BANK1: variants seen among roughly 807,000 people sequenced by gnomAD.
The protein encoded by BANK1 is B-cell scaffold protein with ankyrin repeats.
BANK1 carries 95 observed loss-of-function variants against 94.5 expected under a neutral mutation model. The ratio of observed to expected loss-of-function variants is 1.00; its 90% confidence interval spans 0.85 to 1.19. The LOEUF (loss-of-function observed/expected upper bound fraction) is 1.19. BANK1 is among the 50% of genes most tolerant of loss of function. The pLI is 0.00. For missense variants in BANK1, 987 were observed against 932.2 expected, an observed-to-expected ratio of 1.06 and a Z score of -0.77; for synonymous variants, 334 against 308.4, an observed-to-expected ratio of 1.08 and a Z score of -0.87.
intron 6 of BANK1, among the ~76,000 whole-genome samples, chr4:101,909,220 G>T (rs1283413374): frequency 1.3e-5 from 2 of 152,208 alleles, no homozygotes; most frequent in South Asian, 2.1e-4. Flanking sequence ...CCATAAAAAA[G>T]GATGAGTTCA....
At chr4:101,969,492 A>C (rs1724882316) in intron 7 of BANK1, among the ~76,000 whole-genome samples, 1 of 152,132 alleles carries the variant, frequency 6.6e-6, no homozygotes, top group Non-Finnish European at 1.5e-5. Context: ...AAACTAAGAA[A>C]AATTTTGGTT....
chr4:101,830,691 C>T (rs1208399564), intron 2 of BANK1, among the ~76,000 whole-genome samples: 1 of 152,130 alleles, frequency 6.6e-6, no homozygotes, highest in Admixed American at 6.5e-5. Flanking sequence ...TAATTAATTA[C>T]ATTTCCATGT....
rs1250259483 is a variant in BANK1, at chr4:102,063,091, T to C, written c.2165T>C (p.Leu722Pro). 6.2e-7 allele frequency: 1 copy of C among 1,613,650 alleles called. No homozygotes were observed. The highest frequency in any genetic ancestry group is 8.5e-7 in the Non-Finnish European group (1 of 1,179,744). ...CACATTAAGGAGAAATTACGACAACTACGAGACTGCATTATTGGGAAAAGG... is the reference window on the plus strand; with the variant it reads ...CACATTAAGGAGAAATTACGACAACCACGAGACTGCATTATTGGGAAAAGG... ...EMIQQEKLRQ[L>P]RDCIIGKRPE... The change falls in exon 13 of 17, where the codon CTA becomes CCA. Residue 722 changes from leucine (L) to proline (P), a missense_variant. By Grantham distance (98) the Leu-to-Pro change is moderately conservative. Coordinates refer to ENST00000322953, the MANE Select transcript of BANK1 (RefSeq NM_017935.5).
intron 1 of BANK1, among the ~76,000 whole-genome samples, chr4:101,828,873 T>C (rs1340381810): frequency 6.6e-6 from 1 of 152,056 alleles, no homozygotes. Flanking sequence ...TTCTCTTCTT[T>C]TTTTTTTGAG....
At chr4:101,934,919 C>T (rs1336954833) in intron 7 of BANK1, among the ~76,000 whole-genome samples, 2 of 151,508 alleles carry the variant, frequency 1.3e-5, no homozygotes, top group South Asian at 2.1e-4. Flanking sequence ...ATGGCTAACT[C>T]TCTTGCTGAA....
intron 1 of BANK1, among the ~76,000 whole-genome samples, chr4:101,827,290 GTTAAT>G (rs1726402878): frequency 6.6e-6 from 1 of 151,702 alleles, no homozygotes; most frequent in Non-Finnish European, 1.5e-5. Context: ...TAAATATAAA[GTTAAT>G]TTAAAGTAAA....
chr4:101,941,067 A>T (rs1304978112), intron 7 of BANK1, among the ~76,000 whole-genome samples: 2 of 151,856 alleles, frequency 1.3e-5, no homozygotes, highest in South Asian at 4.1e-4. Flanking sequence ...TATCTGTATG[A>T]ACTCATGGAC....
intron 8 of BANK1, among the ~76,000 whole-genome samples, chr4:102,024,937 A>T (rs1366144660): frequency 6.6e-6 from 1 of 152,206 alleles, no homozygotes; most frequent in Non-Finnish European, 1.5e-5. Context: ...AACTCTAAAG[A>T]ATCAGAATAT....
At chr4:101,993,004 C>T (rs1435669528) in intron 7 of BANK1, among the ~76,000 whole-genome samples, 1 of 152,180 alleles carries the variant, frequency 6.6e-6, no homozygotes, top group Non-Finnish European at 1.5e-5. Flanking sequence ...TGTAGGTTCA[C>T]AAGCCCTTTA....
chr4:102,071,134 TTGA>T, intron 13 of BANK1, 138 bp from the exon 14 acceptor site: 1 of 924,332 alleles, frequency 1.1e-6, no homozygotes, highest in Non-Finnish European at 1.7e-6. Flanking sequence ...AAATTTGGGG[TTGA>T]TATTTTTAGA....
Position 101,954,502 on chromosome 4 carries a change from C to T in BANK1, c.1206+36313C>T, listed in dbSNP as rs570643680. ...TAGGCCTAGAAAAGGTGGTAGTAAA[C>T]CCCATGGTACCAGAACTCTCTTTTG... is the stretch of plus-strand genomic sequence containing the variant. On this transcript the variant is annotated intron_variant, in intron 7 of 16. Coordinates refer to ENST00000322953, the MANE Select transcript of BANK1 (RefSeq NM_017935.5). Among the ~76,000 whole-genome samples, 137 of 152,110 alleles carry T rather than the reference C, an allele frequency of 9.0e-4. 1 individual carries two copies. Among genetic ancestry groups the T allele is most frequent in the African/African-American group, 3.1e-3 (130 of 41,504 alleles).
intron 7 of BANK1, among the ~76,000 whole-genome samples, chr4:101,993,778 C>G (rs936555716): frequency 6.6e-6 from 1 of 152,178 alleles, no homozygotes; most frequent in Non-Finnish European, 1.5e-5. Flanking sequence ...TGGCACAACA[C>G]AGTAGATGAT....
intron 4 of BANK1, among the ~76,000 whole-genome samples, chr4:101,870,252 T>G (rs759692235): frequency 2.0e-5 from 3 of 152,012 alleles, no homozygotes; most frequent in Non-Finnish European, 4.4e-5. Flanking sequence ...GGACAAATAA[T>G]TTAGTGCTTT....
intron 11 of BANK1, among the ~76,000 whole-genome samples, chr4:102,051,431 C>T (rs1002003510): frequency 6.6e-6 from 1 of 152,102 alleles, no homozygotes; most frequent in African/African-American, 2.4e-5. Flanking sequence ...GTTCGCAACC[C>T]ACAGTGTTGT....
At chr4:101,992,809 G>A (rs559044870) in intron 7 of BANK1, among the ~76,000 whole-genome samples, 12 of 152,226 alleles carry the variant, frequency 7.9e-5, no homozygotes, top group African/African-American at 2.6e-4. Flanking sequence ...TTTATTTTGT[G>A]TCAAAATATT....
intron 6 of BANK1, among the ~76,000 whole-genome samples, chr4:101,912,402 C>A (rs1578394713): frequency 6.6e-6 from 1 of 151,902 alleles, no homozygotes; most frequent in African/African-American, 2.4e-5. Flanking sequence ...TTTATGCCTT[C>A]TTTCTGTAAG....
At chr4:101,815,260 A>G (rs1725869272) in intron 1 of BANK1, among the ~76,000 whole-genome samples, 1 of 152,182 alleles carries the variant, frequency 6.6e-6, no homozygotes, top group African/African-American at 2.4e-5. Context: ...AATTACAGGT[A>G]AAATTGGGGG....
At chr4:101,868,173 G>A (rs996369976) in intron 4 of BANK1, among the ~76,000 whole-genome samples, 1 of 151,880 alleles carries the variant, frequency 6.6e-6, no homozygotes, top group African/African-American at 2.4e-5. Flanking sequence ...TTTTGCAAAT[G>A]GCATTGAAAG....
At chr4:101,856,813 T>C (rs193039340) in intron 3 of BANK1, among the ~76,000 whole-genome samples, 28 of 152,286 alleles carry the variant, frequency 1.8e-4, no homozygotes, top group African/African-American at 6.7e-4. Flanking sequence ...CAATATAAAA[T>C]TTCTTTTAGG....
Sources: gnomAD v4.1 joint callset for allele counts (sites outside exome capture counted in the v4.1 genomes callset) on GRCh38, gnomAD v4.1.1 for gene constraint, MANE v1.5 for transcripts, NCBI Gene and HGNC (gene_info 2026-07-23, HGNC 2026-07-21) for gene names.